DMGDH: variants seen among roughly 807,000 people sequenced by gnomAD.
DMGDH encodes dimethylglycine dehydrogenase, mitochondrial.
DMGDH carries 76 observed loss-of-function variants against 95.2 expected under a neutral mutation model. The ratio of observed to expected loss-of-function variants is 0.80; its 90% CI spans 0.66 to 0.97. DMGDH has a LOEUF of 0.97. Ranked by LOEUF, DMGDH falls within the 50% of genes least tolerant of loss-of-function variation. The probability of loss-of-function intolerance (pLI) is 0.00; values close to 1 mark genes in which losing one functional copy is unlikely to be tolerated. For missense variants in DMGDH, 987 were observed against 1,055.0 expected (o/e 0.94, Z 0.89); for synonymous variants, 345 against 377.6 (o/e 0.91, Z 1.00).
At chr5:79,055,995 G>T in intron 2 of DMGDH, 87 bp from the exon 3 acceptor site, 1 of 921,586 alleles carries the variant, frequency 1.1e-6, no homozygotes, top group Non-Finnish European at 1.7e-6. Flanking sequence ...ATAATTTAAT[G>T]CTGGAAAGAA....
intron 14 of DMGDH, among the ~76,000 whole-genome samples, chr5:79,018,487 A>G (rs1178368651): frequency 6.6e-6 from 1 of 151,934 alleles, no homozygotes; most frequent in Admixed American, 6.6e-5. Context: ...AGTCTCAGAC[A>G]TAAATTGTTG....
At chr5:79,033,532 C>A in intron 7 of DMGDH, 124 bp from the exon 8 acceptor site, 1 of 1,185,064 alleles carries the variant, frequency 8.4e-7, no homozygotes, top group Non-Finnish European at 1.2e-6. Flanking sequence ...ACACAAGTAA[C>A]ATAATCTCTA....
intron 2 of DMGDH, among the ~76,000 whole-genome samples, chr5:79,056,306 T>C (rs930067297): frequency 9.9e-5 from 15 of 152,020 alleles, no homozygotes; most frequent in Non-Finnish European, 2.2e-4. Context: ...AGGTCAAGAG[T>C]TCGAGACCAG....
In DMGDH at chr5:79,032,763, T is replaced by TA; in HGVS notation, c.1440dup (p.Lys481Ter). 1 of 1,614,160 alleles carries TA rather than the reference T, an allele frequency of 6.2e-7. No individual in the cohort carries two copies. Among genetic ancestry groups the TA allele is most frequent in the Non-Finnish European group, 8.5e-7 (1 of 1,180,008 alleles). The stretch of plus-strand genomic sequence containing the variant: ...CCAGCATGGAACCCCATGGAACACT[T>TA]AGACTCCAGCCTTTGATAGAGCCCA... On this transcript the variant is annotated frameshift_variant, in exon 9 of 16. Coordinates refer to ENST00000255189, the MANE Select transcript of DMGDH (RefSeq NM_013391.3). LOFTEE classifies it high-confidence loss of function.
Position 78,998,283 on chromosome 5 carries a change from C to T in DMGDH, c.2400G>A (p.Thr800=), listed in dbSNP as rs780679960. The T allele has an allele frequency of 5.6e-6, 9 of 1,613,326 alleles. No individual in the cohort carries two copies. Among genetic ancestry groups the T allele is most frequent in the East Asian group, 2.2e-5 (1 of 44,864 alleles). Residue 800 remains threonine, a synonymous_variant, in exon 16 of 16, where the codon ACG becomes ACA. Transcript: ENST00000255189. The part of the protein sequence containing the change: ...IWYNGKVVGN[T]TSGSYSYSIQ... ...TGCTGTAGCTATAGCTTCCAGATGTCGTGTTGCCAACCACCTGGAAAACAA... is the reference window on the plus strand; with the variant it reads ...TGCTGTAGCTATAGCTTCCAGATGTTGTGTTGCCAACCACCTGGAAAACAA...
At chr5:79,010,388 T>C (rs1168803693) in intron 14 of DMGDH, among the ~76,000 whole-genome samples, 4 of 152,214 alleles carry the variant, frequency 2.6e-5, no homozygotes, top group Non-Finnish European at 5.9e-5. Flanking sequence ...GTAGAGATTA[T>C]GAAAATACAG....
chr5:79,037,870 C>T (rs894821425), intron 7 of DMGDH, among the ~76,000 whole-genome samples: 32 of 152,064 alleles, frequency 2.1e-4, no homozygotes, highest in Admixed American at 1.9e-3. Flanking sequence ...TAACAAAAGA[C>T]GTGCAAAACT....
Position 79,044,284 on chromosome 5 carries a change from CT to C in DMGDH, c.994+19del. On this transcript the variant is annotated intron_variant, in intron 6 of 15. Transcript: ENST00000255189. ...ACCATTCATGTCTGACTAGCACACA[CT>C]TTCATTTGCTGAACCCACCTGGAGG... The C allele has an allele frequency of 6.2e-7, 1 of 1,614,198 alleles. No homozygotes were observed. The highest frequency in any genetic ancestry group is 1.6e-4 in the Middle Eastern group (1 of 6,062).
rs774789562 is a variant in DMGDH, at chr5:79,033,236, T to C, written c.1363+3A>G. The C allele has an allele frequency of 1.5e-4, 240 of 1,614,020 alleles. No individual in the cohort carries two copies. Among genetic ancestry groups the C allele is most frequent in the Non-Finnish European group, 1.9e-4 (221 of 1,180,010 alleles). On this transcript the variant is annotated splice_donor_region_variant and intron_variant, in intron 8 of 15. Coordinates refer to ENST00000255189, the MANE Select transcript of DMGDH (RefSeq NM_013391.3). ...TGTAGACAACAGTACATTTGTACCT[T>C]ACCAATATTGTTGAATCCATATGAT...
chr5:79,069,058 A>G (rs1755465713), intron 1 of DMGDH, among the ~76,000 whole-genome samples: 1 of 152,254 alleles, frequency 6.6e-6, no homozygotes, highest in Non-Finnish European at 1.5e-5. Flanking sequence ...GCAGTAATAA[A>G]CAACCAAAAA....
At chr5:79,067,323 T>G (rs1755409194) in intron 1 of DMGDH, among the ~76,000 whole-genome samples, 1 of 152,256 alleles carries the variant, frequency 6.6e-6, no homozygotes, top group Non-Finnish European at 1.5e-5. Flanking sequence ...CGGAAATCCA[T>G]TTTTAAACAG....
chr5:79,010,561 T>A (rs1010193075), intron 14 of DMGDH, among the ~76,000 whole-genome samples: 9 of 152,108 alleles, frequency 5.9e-5, no homozygotes, highest in African/African-American at 2.2e-4. Context: ...TGGAATGCTG[T>A]CCCCAGCCCC....
intron 4 of DMGDH, 121 bp downstream of exon 4, chr5:79,054,061 CAT>C (rs1476363480): frequency 9.3e-7 from 1 of 1,078,326 alleles, no homozygotes; most frequent in African/African-American, 1.6e-5. Context: ...CAAAATTAAT[CAT>C]ATGATTTTGT....
rs79769766 is a variant in DMGDH, at chr5:79,035,910, A to G, written c.1194-2502T>C. On this transcript the variant is annotated intron_variant, in intron 7 of 15. Transcript: ENST00000255189. ...CCTTTTCTGATGTCAAAACCCCTTT[A>G]TTTTCCATATCATGTTCTTGATTTT... is the stretch of plus-strand genomic sequence containing the variant. 8.4e-3 allele frequency among the ~76,000 whole-genome samples: 1,274 copies of G among 152,296 alleles called. 15 individuals carry two copies. Among genetic ancestry groups the G allele is most frequent in the African/African-American group, 0.029 (1,191 of 41,560 alleles).
At position 79,067,192 on chromosome 5, in the gene DMGDH, A is replaced by G. The variant is rs375515490; in HGVS notation, c.101+2328T>C. On this transcript the variant is annotated intron_variant, in intron 1 of 15. Coordinates refer to ENST00000255189, the MANE Select transcript of DMGDH (RefSeq NM_013391.3). ...TACATAATTCTTAGAGCATGTCCTT[A>G]TTTCCTGGTGCCACAACATGTTTCA... Among the ~76,000 whole-genome samples the G allele has an allele frequency of 1.1e-4, 17 of 152,238 alleles. No individual in the cohort carries two copies. In the East Asian group the frequency reaches 3.1e-3, roughly 28 times the overall value.
At chr5:79,036,643 T>C (rs1754355153) in intron 7 of DMGDH, among the ~76,000 whole-genome samples, 1 of 152,188 alleles carries the variant, frequency 6.6e-6, no homozygotes, top group South Asian at 2.1e-4. Flanking sequence ...CTGGCACATA[T>C]GTAAGCAGTT....
chr5:79,054,046 A>G (rs1754945891), intron 4 of DMGDH, 138 bp downstream of exon 4: 1 of 928,798 alleles, frequency 1.1e-6, no homozygotes, highest in African/African-American at 1.7e-5. Context: ...AAGTTACCCA[A>G]ATTCCAAAAT....
chr5:79,042,104 T>G (rs1392631516), intron 7 of DMGDH, among the ~76,000 whole-genome samples, 179 bp downstream of exon 7: 4 of 152,250 alleles, frequency 2.6e-5, no homozygotes, highest in Non-Finnish European at 4.4e-5. Flanking sequence ...CCAGTATTTT[T>G]TATTCATTGT....
chr5:79,054,156 A>G (rs1198971949), intron 4 of DMGDH, 28 bp downstream of exon 4: 1 of 1,611,134 alleles, frequency 6.2e-7, no homozygotes, highest in East Asian at 2.2e-5. Flanking sequence ...AAGTCAACAA[A>G]TGGTAAAAAT....
Sources: allele counts gnomAD v4.1 joint callset (sites outside exome capture counted in the v4.1 genomes callset), GRCh38; gene constraint gnomAD v4.1.1; transcripts MANE v1.5; gene names NCBI Gene and HGNC (gene_info 2026-07-23, HGNC 2026-07-21).